The following KIF13B variants were observed in gnomAD, a reference collection of about 807,000 sequenced individuals.
KIF13B encodes the protein kinesin-like protein KIF13B.
KIF13B carries 127 observed loss-of-function variants against 222.0 expected under a neutral mutation model. That is an observed-to-expected ratio of 0.57 (90% CI 0.50 to 0.66). KIF13B has a LOEUF of 0.66. Among genes scored for constraint, KIF13B ranks in the 30% least tolerant of loss-of-function variants. The pLI, the probability that KIF13B is intolerant of heterozygous loss-of-function variation, is 0.00. For missense variants in KIF13B, 2,173 were observed against 2,379.0 expected (o/e 0.91, Z 1.80); for synonymous variants, 976 against 919.0 (o/e 1.06, Z -1.12).
At position 29,085,849 on chromosome 8, in the gene KIF13B, CAAAAA is replaced by C. The variant is rs752162185; in HGVS notation, c.4458+6891_4458+6895del. Among the ~76,000 whole-genome samples the C allele has an allele frequency of 2.3e-3, 154 of 67,362 alleles. 1 individual carries two copies. Among genetic ancestry groups the C allele is most frequent in the African/African-American group, 7.0e-3 (146 of 20,726 alleles). 44.2% of individuals were successfully genotyped at this position (67,362 alleles called of 152,430 possible). A position where few individuals can be genotyped will look rare whatever the true frequency, so the allele number is the denominator to read the frequency against. On this transcript the variant is annotated intron_variant, in intron 37 of 39. Transcript: ENST00000524189. ...TGGGTGACAGAACAAGAGCCCGTAA[CAAAAA>C]AAAAAAAAAAAAAAAAAAGAGTACC...
Position 29,099,175 on chromosome 8 carries a change from C to A in KIF13B, c.4282G>T (p.Ala1428Ser). The A allele has an allele frequency of 1.2e-6, 2 of 1,613,342 alleles. No individual in the cohort carries two copies. The highest frequency in any genetic ancestry group is 1.7e-6 in the Non-Finnish European group (2 of 1,179,520). The change falls in exon 36 of 40, where the codon GCC (alanine) becomes TCC (serine). Residue 1428 changes from alanine (A) to serine (S), a missense_variant. Physicochemically the swap from Ala to Ser is moderately conservative, Grantham distance 99. Around this residue, in one of 2 missense-constraint regions of KIF13B, gnomAD observed 693 missense variants for 656.2 expected, o/e 1.06. Transcript: ENST00000524189. ...TTATTTTGGGGAGAAACAGAGAGGG[C>A]GGGGGCAGGAGCTATTCCTCTGGAA... ...TVSRGIAPAP[A>S]LSVSPQNNHS...
intron 29 of KIF13B, among the ~76,000 whole-genome samples, chr8:29,119,215 C>T (rs1213140088): frequency 6.6e-6 from 1 of 152,172 alleles, no homozygotes; most frequent in Non-Finnish European, 1.5e-5. Context: ...ACACTTATGC[C>T]TTATTTTATA....
chr8:29,218,116 T>G (rs1469974087), intron 2 of KIF13B, among the ~76,000 whole-genome samples: 4 of 152,164 alleles, frequency 2.6e-5, no homozygotes, highest in Non-Finnish European at 5.9e-5. Flanking sequence ...TAATTAAGGA[T>G]GAAAATACAA....
chr8:29,140,087 G>C lies in KIF13B; in HGVS notation c.2589C>G (p.Thr863=). The stretch of plus-strand genomic sequence containing the variant: ...CCATGCACACCAGTTTGTTCTCCTG[G>C]GTCTCCTTCTCAAAGGAGACCTCTG... ...EVAEVSFEKE[T]QENKLVCMVK... The change falls in exon 21 of 40, where the codon ACC becomes ACG. Residue 863 remains threonine, a synonymous_variant. Coordinates refer to ENST00000524189, the MANE Select transcript of KIF13B (RefSeq NM_015254.4). The C allele has an allele frequency of 6.2e-7, 1 of 1,600,126 alleles. No homozygotes were observed. Among genetic ancestry groups the C allele is most frequent in the East Asian group, 2.3e-5 (1 of 44,058 alleles).
At chr8:29,149,787 G>A (rs1427896192) in intron 15 of KIF13B, among the ~76,000 whole-genome samples, 1 of 152,018 alleles carries the variant, frequency 6.6e-6, no homozygotes, top group Non-Finnish European at 1.5e-5. Context: ...TTTTTGAGAG[G>A]CTTAGCCAAC....
intron 27 of KIF13B, among the ~76,000 whole-genome samples, 173 bp downstream of exon 27, chr8:29,123,851 A>T (rs74578635): frequency 0.041 from 6,238 of 152,320 alleles, 371 homozygotes; most frequent in African/African-American, 0.13. Flanking sequence ...CTCCACCAAG[A>T]TACGACAGCT....
At chr8:29,137,178 CA>C (rs1455093186) in intron 21 of KIF13B, among the ~76,000 whole-genome samples, 3 of 151,918 alleles carry the variant, frequency 2.0e-5, no homozygotes, top group African/African-American at 7.3e-5. Flanking sequence ...CTTTTTTTAC[CA>C]TTCAAAATTA....
intron 18 of KIF13B, among the ~76,000 whole-genome samples, chr8:29,142,543 T>A (rs1563736156): frequency 6.6e-6 from 1 of 152,046 alleles, no homozygotes; most frequent in South Asian, 2.1e-4. Context: ...ACATTAAAAA[T>A]TTTTTGGGGG....
intron 35 of KIF13B, among the ~76,000 whole-genome samples, chr8:29,102,038 G>A (rs1249483242): frequency 6.6e-6 from 1 of 151,650 alleles, no homozygotes; most frequent in Non-Finnish European, 1.5e-5. Flanking sequence ...TGTTGTATAT[G>A]CTTAGCTGTC....
intron 35 of KIF13B, 76 bp from the exon 36 acceptor site, chr8:29,099,317 G>A: frequency 7.4e-6 from 7 of 943,762 alleles, no homozygotes; most frequent in East Asian, 2.4e-5. Context: ...AGATACTCAA[G>A]AAAAAAAACT....
chr8:29,074,024 CA>C (rs1425270533), intron 38 of KIF13B, among the ~76,000 whole-genome samples: 2 of 152,202 alleles, frequency 1.3e-5, no homozygotes, highest in African/African-American at 4.8e-5. Context: ...ACTGACCCAA[CA>C]GGGGAGAATA....
At chr8:29,127,673 T>A (rs1810173452) in intron 24 of KIF13B, among the ~76,000 whole-genome samples, 1 of 152,214 alleles carries the variant, frequency 6.6e-6, no homozygotes. Flanking sequence ...GCCCTACATT[T>A]ACGAAACAAT....
chr8:29,112,304 G>A (rs192530353), intron 32 of KIF13B, among the ~76,000 whole-genome samples: 6 of 152,014 alleles, frequency 3.9e-5, no homozygotes, highest in Admixed American at 2.0e-4. Flanking sequence ...GTGGTGGCAC[G>A]TGCCTGTAAT....
At chr8:29,101,652 G>C (rs140986464) in intron 35 of KIF13B, among the ~76,000 whole-genome samples, 2 of 152,140 alleles carry the variant, frequency 1.3e-5, no homozygotes, top group South Asian at 4.1e-4. Context: ...CCTGCAGAGC[G>C]TGACAAACAG....
chr8:29,179,965 C>G (rs1563764823), intron 8 of KIF13B, 139 bp downstream of exon 8: 1 of 912,762 alleles, frequency 1.1e-6, no homozygotes, highest in East Asian at 2.5e-5. Flanking sequence ...CCTAGAGGAG[C>G]TTCTGTTTCT....
rs1269174807 is a variant in KIF13B, at chr8:29,072,035, G to A, written c.4803C>T (p.Ala1601=). 6.2e-6 allele frequency: 8 copies of A among 1,297,824 alleles called. No individual in the cohort carries two copies. Among genetic ancestry groups the A allele is most frequent in the South Asian group, 2.5e-5 (1 of 40,208 alleles). 80.4% of individuals were successfully genotyped at this position (1,297,824 alleles called of 1,614,324 possible). Residue 1601 remains alanine (A), a synonymous_variant, in exon 39 of 40, where the codon GCC becomes GCT. Coordinates refer to ENST00000524189, the MANE Select transcript of KIF13B (RefSeq NM_015254.4). ...GGTGGCTGATGGGCGCCTCGGGCTC[G>A]GCCTCAGGGGCGGTGGGCATGGACC... ...PPGSMPTAPE[A]EPEAPISHPP...
In KIF13B at chr8:29,119,886, TA is replaced by T. The variant is rs923815002; in HGVS notation, c.3536-895del. On this transcript the variant is annotated intron_variant, in intron 29 of 39. Coordinates refer to ENST00000524189, the MANE Select transcript of KIF13B (RefSeq NM_015254.4). ...AAATAAGCTAAGTGGCAGGAGATCC[TA>T]AATGCCTCAGAGACTGCATCTCGCT... Among the ~76,000 whole-genome samples, 88 of 152,198 alleles carry T rather than the reference TA, an allele frequency of 5.8e-4. 1 individual carries two copies. Among genetic ancestry groups the T allele is most frequent in the African/African-American group, 2.1e-3 (85 of 41,448 alleles).
At chr8:29,146,660 C>G (rs144769369) in intron 17 of KIF13B, 120 bp from the exon 18 acceptor site, 3 of 854,404 alleles carry the variant, frequency 3.5e-6, no homozygotes, top group Non-Finnish European at 5.4e-6. Context: ...TTTCCGTGGT[C>G]GTCTGCACGC....
At chr8:29,090,785 C>A (rs574650620) in intron 37 of KIF13B, among the ~76,000 whole-genome samples, 107 of 152,348 alleles carry the variant, frequency 7.0e-4, no homozygotes, top group African/African-American at 2.4e-3. Context: ...TCTTGGCTCA[C>A]TGCAACCTCT....
Sources: gnomAD v4.1 joint callset for allele counts (sites outside exome capture counted in the v4.1 genomes callset) on GRCh38, gnomAD v4.1.1 for gene constraint, gnomAD v4.1.1 regional missense constraint, MANE v1.5 for transcripts, NCBI Gene and HGNC (gene_info 2026-07-23, HGNC 2026-07-21) for gene names.